The following RABEP1 variants were observed in gnomAD, a reference collection of about 807,000 sequenced individuals.
The protein encoded by RABEP1 is rabaptin, RAB GTPase binding effector protein 1, also known as rab GTPase-binding effector protein 1.
Under a neutral mutation model 123.4 loss-of-function variants are expected in RABEP1, and 51 were observed. The ratio of observed to expected loss-of-function variants is 0.41; its 90% CI spans 0.33 to 0.52. The LOEUF (loss-of-function observed/expected upper bound fraction) is 0.52, where lower values mean the gene tolerates loss of function less well. RABEP1 is among the 20% of genes least tolerant of loss of function. RABEP1 has a pLI of 0.16. For synonymous variants in RABEP1, 347 were observed against 355.2 expected (o/e 0.98, Z 0.26); for missense variants, 888 against 996.3 (o/e 0.89, Z 1.46).
chr17:5,302,149 G>A (rs1384093053), intron 1 of RABEP1, among the ~76,000 whole-genome samples: 1 of 151,950 alleles, frequency 6.6e-6, no homozygotes, highest in Non-Finnish European at 1.5e-5. Flanking sequence ...AAAACGGTGG[G>A]TGTGAAATTT....
chr17:5,318,759 T>A (rs2075322794), intron 2 of RABEP1, among the ~76,000 whole-genome samples: 1 of 152,220 alleles, frequency 6.6e-6, no homozygotes. Context: ...AGACATTTAA[T>A]GAAAACTACA....
At chr17:5,350,718 A>C (rs1908470179) in intron 7 of RABEP1, 89 bp downstream of exon 7, 1 of 1,385,412 alleles carries the variant, frequency 7.2e-7, no homozygotes, top group South Asian at 1.3e-5. Flanking sequence ...TTAGAGACTG[A>C]CTTAAGCTGC....
intron 12 of RABEP1, among the ~76,000 whole-genome samples, chr17:5,372,172 C>T (rs572938117): frequency 9.2e-5 from 14 of 152,056 alleles, no homozygotes; most frequent in African/African-American, 2.7e-4. Flanking sequence ...TGGCTGGGTG[C>T]GGTGGCTCAC....
At chr17:5,318,347 G>A (rs1472062851) in intron 2 of RABEP1, among the ~76,000 whole-genome samples, 1 of 152,110 alleles carries the variant, frequency 6.6e-6, no homozygotes, top group East Asian at 1.9e-4. Flanking sequence ...TTACTGATTG[G>A]TTACTGGTGG....
At chr17:5,367,421 G>GTA (rs1910120978) in intron 11 of RABEP1, among the ~76,000 whole-genome samples, 1 of 150,464 alleles carries the variant, frequency 6.6e-6, no homozygotes, top group Non-Finnish European at 1.5e-5. Flanking sequence ...ACAGGCACCC[G>GTA]CCACCACGCC....
At chr17:5,334,968 A>G (rs983192185) in intron 3 of RABEP1, among the ~76,000 whole-genome samples, 3 of 152,178 alleles carry the variant, frequency 2.0e-5, no homozygotes, top group Admixed American at 2.0e-4. Context: ...AAAATAATAT[A>G]TGACACAGGT....
At position 5,384,705 on chromosome 17, in the gene RABEP1, A is replaced by T. The variant is rs888084613; in HGVS notation, c.*1482A>T. On this transcript the variant is annotated 3_prime_UTR_variant, in exon 18 of 18. Transcript: ENST00000537505. ...TGTAGTCTTGCATTCATGGTTATGA[A>T]TTTAAAAATAAATACCAATTATGGA... 4.7e-6 allele frequency: 1 copy of T among 211,364 alleles called. No individual in the cohort carries two copies. Among genetic ancestry groups the T allele is most frequent in the African/African-American group, 2.3e-5 (1 of 44,154 alleles). The allele number at this position is 211,364 out of a possible 1,614,324, so 13.1% of individuals were successfully genotyped here.
chr17:5,376,162 T>C (rs1011961110), intron 13 of RABEP1, among the ~76,000 whole-genome samples: 2 of 152,096 alleles, frequency 1.3e-5, no homozygotes, highest in Non-Finnish European at 2.9e-5. Flanking sequence ...CTTAAAATGT[T>C]CCAAGAATCC....
chr17:5,286,425 T>TG (rs545540970), intron 1 of RABEP1, among the ~76,000 whole-genome samples: 138 of 151,654 alleles, frequency 9.1e-4, no homozygotes, highest in African/African-American at 3.1e-3. Context: ...ACCCGGGAGG[T>TG]GGAGTGAGCA....
In RABEP1 at chr17:5,350,474, C is replaced by T. The variant is rs746329716; in HGVS notation, c.808C>T (p.Arg270Ter). The T allele has an allele frequency of 1.2e-6, 2 of 1,613,238 alleles. No homozygotes were observed. The highest frequency in any genetic ancestry group is 1.1e-5 in the South Asian group (1 of 90,860). ...HEVCHLLEQE[R>*]QQHNQLKHTW... ...AGTTTGCCATCTCTTGGAGCAAGAG[C>T]GACAACAACACAACCAGTTAAAACA... Residue 270 changes from arginine to a stop codon, truncating the protein, a stop_gained, in exon 7 of 18, where the codon CGA becomes TGA. Coordinates refer to ENST00000537505, the MANE Select transcript of RABEP1 (RefSeq NM_004703.6). LOFTEE classifies it high-confidence loss of function.
chr17:5,331,816 T>C (rs1044176553), intron 2 of RABEP1, 133 bp from the exon 3 acceptor site: 1 of 753,464 alleles, frequency 1.3e-6, no homozygotes, highest in Non-Finnish European at 2.1e-6. Context: ...CCAGCTTACC[T>C]TAAATCTCAC....
At chr17:5,293,467 A>G (rs2075052135) in intron 1 of RABEP1, among the ~76,000 whole-genome samples, 2 of 151,972 alleles carry the variant, frequency 1.3e-5, no homozygotes, top group Non-Finnish European at 2.9e-5. Context: ...GTCTCTCTCC[A>G]TCACCCAGGC....
At chr17:5,381,653 A>C in intron 17 of RABEP1, 148 bp downstream of exon 17, 1 of 1,357,340 alleles carries the variant, frequency 7.4e-7, no homozygotes, top group Non-Finnish European at 9.7e-7. Flanking sequence ...CTCATCATTC[A>C]AGCCAGAAAC....
chr17:5,284,273 G>C (rs1403284486), intron 1 of RABEP1, among the ~76,000 whole-genome samples: 1 of 152,140 alleles, frequency 6.6e-6, no homozygotes, highest in East Asian at 1.9e-4. Context: ...TGTATTCTTG[G>C]TATTTTAGTT....
chr17:5,301,611 G>T (rs1280807020), intron 1 of RABEP1, among the ~76,000 whole-genome samples: 1 of 152,142 alleles, frequency 6.6e-6, no homozygotes, highest in Admixed American at 6.6e-5. Context: ...AATGTGCTTA[G>T]TGTCTTAGTT....
chr17:5,381,648 C>G (rs1911468140), intron 17 of RABEP1, 143 bp downstream of exon 17: 4 of 1,367,812 alleles, frequency 2.9e-6, no homozygotes, highest in Non-Finnish European at 3.8e-6. Context: ...TCTGACTCAT[C>G]ATTCAAGCCA....
At chr17:5,343,334 G>C (rs1442006718) in intron 5 of RABEP1, among the ~76,000 whole-genome samples, 1 of 152,160 alleles carries the variant, frequency 6.6e-6, no homozygotes, top group Non-Finnish European at 1.5e-5. Context: ...TGGGCAGATT[G>C]CTTGAGCTTA....
intron 5 of RABEP1, among the ~76,000 whole-genome samples, chr17:5,345,111 A>G (rs1907963774): frequency 6.6e-6 from 1 of 152,226 alleles, no homozygotes; most frequent in Non-Finnish European, 1.5e-5. Flanking sequence ...GTGGGACATC[A>G]TTTTACCCTA....
At chr17:5,362,538 A>G (rs1246599687) in intron 9 of RABEP1, among the ~76,000 whole-genome samples, 1 of 152,174 alleles carries the variant, frequency 6.6e-6, no homozygotes, top group Non-Finnish European at 1.5e-5. Flanking sequence ...CTAGTTTGGT[A>G]CCTATTTTAT....
Sources: gnomAD v4.1 joint callset for allele counts (sites outside exome capture counted in the v4.1 genomes callset) on GRCh38, gnomAD v4.1.1 for gene constraint, MANE v1.5 for transcripts, NCBI Gene and HGNC (gene_info 2026-07-23, HGNC 2026-07-21) for gene names.